Variants in SEMA4C observed in about 807,000 individuals in gnomAD.
SEMA4C encodes semaphorin-4C.
In SEMA4C, 19 loss-of-function variants were observed where a neutral mutation model predicts 89.0. That is an observed-to-expected ratio of 0.21 (90% CI 0.15 to 0.31). The LOEUF is 0.31. Among genes scored for constraint, SEMA4C ranks in the 10% least tolerant of loss-of-function variants. The probability of loss-of-function intolerance (pLI) is 1.00; values close to 1 mark genes in which losing one functional copy is unlikely to be tolerated. For missense variants in SEMA4C, 811 were observed against 1,107.0 expected (o/e 0.73, Z 3.79); for synonymous variants, 428 against 472.7 (o/e 0.91, Z 1.23).
At chr2:96,870,796 GA>G, upstream of SEMA4C, 5 of 977,406 alleles carry the variant, frequency 5.1e-6, no homozygotes, top group Non-Finnish European at 6.1e-6. Flanking sequence ...CCACGCTGCA[GA>G]ACCACCGCCA....
rs1315740925 is a variant in SEMA4C, at chr2:96,860,718, G to A, written c.2410C>T (p.His804Tyr). ...LGGEDRGGLGHPLPELADELR... is the reference protein window; with the variant it reads ...LGGEDRGGLGYPLPELADELR... ...TCATCCGCGAGCTCAGGCAGGGGGT[G>A]CCCGAGCCCTCCCCGGTCCTCCCCT... is the stretch of plus-strand genomic sequence containing the variant. Residue 804 changes from histidine to tyrosine, a missense_variant, in exon 15 of 15, where the codon CAC becomes TAC. This residue lies in a region of SEMA4C where 248 missense variants were observed against 269.0 expected (regional missense o/e 0.92). Transcript: ENST00000305476. 2 of 1,613,744 alleles carry A rather than the reference G, an allele frequency of 1.2e-6. No individual in the cohort carries two copies. Among genetic ancestry groups the A allele is most frequent in the South Asian group, 2.2e-5 (2 of 91,086 alleles).
chr2:96,867,715 A>G lies in SEMA4C; in HGVS notation c.109+63T>C, dbSNP rs75945222. 1,225 of 1,491,746 alleles carry G rather than the reference A, an allele frequency of 8.2e-4. 27 individuals carry two copies. The East Asian group carries it at 0.023, about 28-fold the overall frequency. The allele number at this position is 1,491,746 out of a possible 1,614,324, so 92.4% of individuals were successfully genotyped here. A position where few individuals can be genotyped will look rare whatever the true frequency, so the allele number is the denominator to read the frequency against. ...ACACACGTGAGAATAAAGCCAGCAC[A>G]CTATGGGGGCAACTCCTCAGCAGCC... On this transcript the variant is annotated intron_variant, in intron 2 of 14. Coordinates refer to ENST00000305476, the MANE Select transcript of SEMA4C (RefSeq NM_017789.5).
At position 96,861,767 on chromosome 2, in the gene SEMA4C, C is replaced by T. The variant is rs756581370; in HGVS notation, c.1571G>A (p.Ser524Asn). ...DPYCAWSVNT[S>N]RCVAVGGHSG... ...GTGGCCACCCACGGCCACACAGCGG[C>T]TGGTGTTGACGCTCCAGGCGCAATA... Residue 524 changes from serine to asparagine, a missense_variant, in exon 13 of 15, where the codon AGC becomes AAC. By Grantham distance (46) the Ser-to-Asn change is conservative. Coordinates refer to ENST00000305476, the MANE Select transcript of SEMA4C (RefSeq NM_017789.5). The surrounding 1 kb of genome is among the most constrained non-coding windows in gnomAD (Gnocchi z 7.8). 36 of 1,613,436 alleles carry T rather than the reference C, an allele frequency of 2.2e-5. No individual in the cohort carries two copies. Among genetic ancestry groups the T allele is most frequent in the Non-Finnish European group, 3.0e-5 (35 of 1,180,004 alleles).
chr2:96,865,795 AGC>A, intron 4 of SEMA4C, 31 bp from the exon 5 acceptor site: 1 of 1,613,716 alleles, frequency 6.2e-7, no homozygotes. Context: ...GGTTAGTGAG[AGC>A]GCGAGGGCCA....
Position 96,861,459 on chromosome 2 carries a change from T to C in SEMA4C, c.1673-4A>G. 1.2e-6 allele frequency: 2 copies of C among 1,612,664 alleles called. No individual in the cohort carries two copies. The highest frequency in any genetic ancestry group is 1.7e-6 in the Non-Finnish European group (2 of 1,179,490). On this transcript the variant is annotated splice_polypyrimidine_tract_variant and splice_region_variant and intron_variant, in intron 14 of 14. Coordinates refer to ENST00000305476, the MANE Select transcript of SEMA4C (RefSeq NM_017789.5). The surrounding 1 kb of genome is among the most constrained non-coding windows in gnomAD (Gnocchi z 7.8). ...ATGTTTTTGGGAGTGGGCCTGACTG[T>C]AGTGGCAGAGAAAACAGAGTGCATG...
intron 1 of SEMA4C, chr2:96,869,120 G>A (rs1427628368): frequency 2.0e-6 from 2 of 985,222 alleles, no homozygotes; most frequent in South Asian, 4.7e-5. Flanking sequence ...GCCCCGGCGC[G>A]GGAGAGCGGG....
chr2:96,870,117 G>A (rs1384467694), upstream of SEMA4C: 38 of 968,874 alleles, frequency 3.9e-5, no homozygotes, highest in Non-Finnish European at 4.7e-5. Flanking sequence ...TCCCCTTGAC[G>A]TCAGGCTGGG....
chr2:96,870,300 C>A, upstream of SEMA4C: 9 of 985,446 alleles, frequency 9.1e-6, no homozygotes, highest in Non-Finnish European at 1.1e-5. Flanking sequence ...CTCGGAGTCG[C>A]GGGCTGCGCC....
rs749858997 is a variant in SEMA4C at position 96,865,197 on chromosome 2, G to A, written c.634+7C>T. ...CCATGGCTCCCACAGGCCCCCCGGT[G>A]GCTCACCGTTGAGCCAAAAGGCCAG... On this transcript the variant is annotated splice_region_variant and intron_variant, in intron 7 of 14. Coordinates refer to ENST00000305476, the MANE Select transcript of SEMA4C (RefSeq NM_017789.5). The A allele has an allele frequency of 2.8e-5, 45 of 1,613,342 alleles. 1 individual carries two copies. In the South Asian group the frequency reaches 4.9e-4, roughly 18 times the overall value.
chr2:96,863,578 C>T, intron 12 of SEMA4C, 104 bp downstream of exon 12: 1 of 1,306,660 alleles, frequency 7.7e-7, no homozygotes, highest in South Asian at 1.3e-5. Context: ...GTTCCTAACT[C>T]TGCACTGGCC....
At position 96,861,103 on chromosome 2, in the gene SEMA4C, C is replaced by T. The variant is rs765513450; in HGVS notation, c.2025G>A (p.Val675=). The change falls in exon 15 of 15, where the codon GTG becomes GTA. Residue 675 remains valine (V), a synonymous_variant. Coordinates refer to ENST00000305476, the MANE Select transcript of SEMA4C (RefSeq NM_017789.5). This position sits in a 1 kb window ranked among gnomAD's most constrained non-coding sequence, Gnocchi z 7.8. The part of the protein sequence containing the change: ...VWLAVVALGA[V]CLVLLLLVLS... ...GCACCAGCAGCAGCAGCACCAGGCA[C>T]ACAGCCCCCAGGGCCACCACCGCCA... 8 of 1,612,120 alleles carry T rather than the reference C, an allele frequency of 5.0e-6. No individual in the cohort carries two copies. Among genetic ancestry groups the T allele is most frequent in the Non-Finnish European group, 6.8e-6 (8 of 1,179,806 alleles).
At position 96,862,232 on chromosome 2, in the gene SEMA4C, G is replaced by A. The variant is rs1209814441; in HGVS notation, c.1444-338C>T. On this transcript the variant is annotated intron_variant, in intron 12 of 14. Coordinates refer to ENST00000305476, the MANE Select transcript of SEMA4C (RefSeq NM_017789.5). ...AGGAAATACATTTCAAGGCCCATCA[G>A]CCCTCACAACAGCAGCAGCATAACA... The A allele has an allele frequency of 1.9e-5, 5 of 268,946 alleles. No individual in the cohort carries two copies. In the Admixed American group the frequency reaches 2.4e-4, roughly 13 times the overall value. The allele number at this position is 268,946 out of a possible 1,614,324, so 16.7% of individuals were successfully genotyped here. A position where few individuals can be genotyped will look rare whatever the true frequency, so the allele number is the denominator to read the frequency against.
upstream of SEMA4C, chr2:96,870,213 C>T: frequency 1.0e-6 from 1 of 985,230 alleles, no homozygotes; most frequent in Non-Finnish European, 1.2e-6. Context: ...CCCGCCCGCT[C>T]TCCGCCCGGG....
At chr2:96,869,420 C>T (rs976789921) in intron 1 of SEMA4C, 7 of 974,730 alleles carry the variant, frequency 7.2e-6, no homozygotes, top group African/African-American at 3.6e-5. Flanking sequence ...CGGCCCGGCT[C>T]GGCCCGGGGG....
chr2:96,863,520 C>T (rs2079999648), intron 12 of SEMA4C, 162 bp downstream of exon 12: 2 of 842,222 alleles, frequency 2.4e-6, no homozygotes, highest in African/African-American at 3.7e-5. Flanking sequence ...TTCTCGTTTC[C>T]AGGAACCCAC....
chr2:96,860,584 C>G lies in SEMA4C; in HGVS notation c.*42G>C. 6.5e-7 allele frequency: 1 copy of G among 1,535,364 alleles called. No homozygotes were observed. The highest frequency in any genetic ancestry group is 8.8e-7 in the Non-Finnish European group (1 of 1,131,458). On this transcript the variant is annotated 3_prime_UTR_variant, in exon 15 of 15. Coordinates refer to ENST00000305476, the MANE Select transcript of SEMA4C (RefSeq NM_017789.5). ...GCTGGTGCCTGTGCAAAAGTAGGAGCTACACCTCCCACGCTTCCCGCCGAC... is the reference window on the plus strand; with the variant it reads ...GCTGGTGCCTGTGCAAAAGTAGGAGGTACACCTCCCACGCTTCCCGCCGAC...
At position 96,861,663 on chromosome 2, in the gene SEMA4C, T is replaced by G. The variant is rs374845491; in HGVS notation, c.1602-14A>C. 1.1e-5 allele frequency: 17 copies of G among 1,587,700 alleles called. No homozygotes were observed. In the African/African-American group the frequency reaches 1.2e-4, roughly 11 times the overall value. ...ATCAGTAGAGATCTGGTAGGGGATGTAGGGTACATCAGCAGCCTGGCTCCA... is the reference window on the plus strand; with the variant it reads ...ATCAGTAGAGATCTGGTAGGGGATGGAGGGTACATCAGCAGCCTGGCTCCA... On this transcript the variant is annotated splice_polypyrimidine_tract_variant and intron_variant, in intron 13 of 14. Coordinates refer to ENST00000305476, the MANE Select transcript of SEMA4C (RefSeq NM_017789.5). The surrounding 1 kb of genome is among the most constrained non-coding windows in gnomAD (Gnocchi z 7.8).
At chr2:96,870,323 G>A (rs1574160510), upstream of SEMA4C, 1 of 985,378 alleles carries the variant, frequency 1.0e-6, no homozygotes, top group Non-Finnish European at 1.2e-6. Context: ...AGCGCCTGGA[G>A]GGAGGTGGGG....
intron 1 of SEMA4C, chr2:96,869,111 C>A: frequency 1.0e-6 from 1 of 985,348 alleles, no homozygotes; most frequent in Non-Finnish European, 1.2e-6. Context: ...CGGCCCAGAG[C>A]CCCGGCGCGG....
Sources: gnomAD v4.1 joint callset for allele counts on GRCh38, gnomAD v4.1.1 for gene constraint, gnomAD v4.1.1 regional missense constraint, Gnocchi (gnomAD v3.1) non-coding constraint, MANE v1.5 for transcripts, NCBI Gene and HGNC (gene_info 2026-07-23, HGNC 2026-07-21) for gene names.